The following CYP39A1 variants were observed in gnomAD, a reference collection of about 807,000 sequenced individuals.
CYP39A1 encodes the protein 24-hydroxycholesterol 7-alpha-hydroxylase.
Under a neutral mutation model 58.1 loss-of-function variants are expected in CYP39A1, and 49 were observed. The ratio of observed to expected loss-of-function variants is 0.84; its 90% CI spans 0.67 to 1.07. The LOEUF (loss-of-function observed/expected upper bound fraction) is 1.07. CYP39A1 is among the 50% of genes least tolerant of loss of function. CYP39A1 has a pLI of 0.00. For missense variants in CYP39A1, 531 were observed against 539.4 expected, an observed-to-expected ratio of 0.98 and a Z score of 0.16; for synonymous variants, 209 against 187.6, an observed-to-expected ratio of 1.11 and a Z score of -0.93.
intron 1 of CYP39A1, among the ~76,000 whole-genome samples, chr6:46,642,723 C>T (rs1776421112): frequency 6.6e-6 from 1 of 152,198 alleles, no homozygotes; most frequent in African/African-American, 2.4e-5. Flanking sequence ...GGTTATTCAA[C>T]AATGTCTTGC....
intron 4 of CYP39A1, among the ~76,000 whole-genome samples, chr6:46,637,527 C>A (rs1776064457): frequency 6.6e-6 from 1 of 152,340 alleles, no homozygotes; most frequent in Non-Finnish European, 1.5e-5. Flanking sequence ...TAGCAGGAAT[C>A]TTAACTGTAG....
chr6:46,623,387 T>A (rs888722408), intron 7 of CYP39A1, among the ~76,000 whole-genome samples: 1 of 152,174 alleles, frequency 6.6e-6, no homozygotes, highest in Non-Finnish European at 1.5e-5. Context: ...TAATTCTATA[T>A]GTTAACTTGA....
rs1772881535 is a variant in CYP39A1 at position 46,592,216 on chromosome 6, CT to C, written c.1065+3770del. ...AGAGGCAAAAGCAAACAAAGAGAGC[CT>C]GTTCGAACTACCTTAGGGAAGGGTG... On this transcript the variant is annotated intron_variant, in intron 8 of 11. Transcript: ENST00000275016. Among the ~76,000 whole-genome samples the C allele has an allele frequency of 2.0e-5, 3 of 152,062 alleles. No homozygotes were observed. The South Asian group carries it at 6.2e-4, about 32-fold the overall frequency.
At position 46,652,660 on chromosome 6, in the gene CYP39A1, G is replaced by A; in HGVS notation, c.-78C>T. On this transcript the variant is annotated 5_prime_UTR_variant, in exon 1 of 12. Coordinates refer to ENST00000275016, the MANE Select transcript of CYP39A1 (RefSeq NM_016593.5). ...CCCTTGCTTCTTTTCTGTGGGCTAC[G>A]GAACCTGTCGGGACTCCCAACCTTT... 1.4e-5 allele frequency: 19 copies of A among 1,374,004 alleles called. 1 individual carries two copies. In the South Asian group the frequency reaches 2.5e-4, roughly 18 times the overall value. 85.1% of individuals were successfully genotyped at this position (1,374,004 alleles called of 1,614,324 possible). A position where few individuals can be genotyped will look rare whatever the true frequency, so the allele number is the denominator to read the frequency against.
At chr6:46,577,554 CAA>C (rs894604329) in intron 10 of CYP39A1, among the ~76,000 whole-genome samples, 3 of 151,986 alleles carry the variant, frequency 2.0e-5, no homozygotes, top group Non-Finnish European at 4.4e-5. Context: ...CAATGACACC[CAA>C]AGACTCAAGG....
At chr6:46,637,321 T>C (rs543159556) in intron 4 of CYP39A1, among the ~76,000 whole-genome samples, 17 of 152,222 alleles carry the variant, frequency 1.1e-4, no homozygotes, top group Non-Finnish European at 2.5e-4. Context: ...GATACTTTGT[T>C]ATAGCAACCC....
chr6:46,616,957 C>A (rs1054226730), intron 7 of CYP39A1, among the ~76,000 whole-genome samples: 3 of 151,986 alleles, frequency 2.0e-5, no homozygotes, highest in African/African-American at 7.3e-5. Flanking sequence ...GATTGGCGAT[C>A]GATCAATGGA....
intron 8 of CYP39A1, among the ~76,000 whole-genome samples, chr6:46,590,848 T>C (rs1340055154): frequency 6.6e-6 from 1 of 152,222 alleles, no homozygotes; most frequent in East Asian, 1.9e-4. Context: ...CTTTTTATTG[T>C]ATATTCATGG....
chr6:46,588,036 G>A lies in CYP39A1; in HGVS notation c.1159C>T (p.Pro387Ser). The change falls in exon 9 of 12, where the codon CCT (proline) becomes TCT (serine). Residue 387 changes from proline to serine, a missense_variant and splice_region_variant. Transcript: ENST00000275016. ...ATATACTGAAAGAGATAACTTACAG[G>A]TTTGAACAATTCAGGCTCAGGAAAA... is the stretch of plus-strand genomic sequence containing the variant. ...KYFPEPELFKPERWKKANLEK... is the reference protein window; with the variant it reads ...KYFPEPELFKSERWKKANLEK... The A allele has an allele frequency of 6.4e-7, 1 of 1,551,488 alleles. No homozygotes were observed. Among genetic ancestry groups the A allele is most frequent in the Admixed American group, 1.8e-5 (1 of 55,468 alleles).
intron 10 of CYP39A1, among the ~76,000 whole-genome samples, chr6:46,563,250 GT>G (rs1399719025): frequency 6.6e-6 from 1 of 152,118 alleles, no homozygotes; most frequent in Non-Finnish European, 1.5e-5. Flanking sequence ...AACGGGCCTT[GT>G]AAATTCGTAT....
chr6:46,650,668 T>A (rs1013210466), intron 1 of CYP39A1, among the ~76,000 whole-genome samples: 1 of 119,530 alleles, frequency 8.4e-6, no homozygotes, highest in Middle Eastern at 4.0e-3. Flanking sequence ...TGGACCAGAT[T>A]AAATTTTTTA....
chr6:46,617,951 C>A (rs928405284), intron 7 of CYP39A1, among the ~76,000 whole-genome samples: 1 of 152,030 alleles, frequency 6.6e-6, no homozygotes, highest in African/African-American at 2.4e-5. Flanking sequence ...AAAGTACAGC[C>A]AATTCATATG....
chr6:46,576,030 G>A (rs1771827504), intron 10 of CYP39A1, among the ~76,000 whole-genome samples: 1 of 152,174 alleles, frequency 6.6e-6, no homozygotes, highest in Admixed American at 6.5e-5. Flanking sequence ...CTGATGGGGT[G>A]GATATGGCCG....
chr6:46,626,688 A>G (rs1775327439), intron 6 of CYP39A1, among the ~76,000 whole-genome samples: 3 of 152,210 alleles, frequency 2.0e-5, no homozygotes, highest in Non-Finnish European at 4.4e-5. Flanking sequence ...CCAGATTAAG[A>G]AAGATTTATC....
At chr6:46,611,207 A>G (rs1774194156) in intron 7 of CYP39A1, among the ~76,000 whole-genome samples, 1 of 152,238 alleles carries the variant, frequency 6.6e-6, no homozygotes, top group Non-Finnish European at 1.5e-5. Flanking sequence ...TTGGCATGTG[A>G]AGGATTTAGG....
rs73471151 is a variant in CYP39A1, at chr6:46,647,093, C to G, written c.178-4795G>C. On this transcript the variant is annotated intron_variant, in intron 1 of 11. Coordinates refer to ENST00000275016, the MANE Select transcript of CYP39A1 (RefSeq NM_016593.5). ...CTGCTTTATTTGGGCTTATTTTACTCTGTTTATAAAAGGAGATGATTCTTG... is the reference window on the plus strand; with the variant it reads ...CTGCTTTATTTGGGCTTATTTTACTGTGTTTATAAAAGGAGATGATTCTTG... Among the ~76,000 whole-genome samples the G allele has an allele frequency of 7.4e-3, 1,123 of 151,616 alleles. 18 individuals are homozygous for G. The highest frequency in any genetic ancestry group is 0.026 in the African/African-American group (1,065 of 41,362).
At chr6:46,620,111 AC>A (rs1314414628) in intron 7 of CYP39A1, among the ~76,000 whole-genome samples, 3 of 152,268 alleles carry the variant, frequency 2.0e-5, no homozygotes, top group East Asian at 1.9e-4. Flanking sequence ...CAAGAAAAAA[AC>A]AGTTGAATCT....
rs537576127 is a variant in CYP39A1, at chr6:46,604,829, T to C, written c.932-8709A>G. ...ATACCAGGAATGATATCCTTTGCAA[T>C]TACTTAAACATAAGATAGCAACTAT... On this transcript the variant is annotated intron_variant, in intron 7 of 11. Coordinates refer to ENST00000275016, the MANE Select transcript of CYP39A1 (RefSeq NM_016593.5). Among the ~76,000 whole-genome samples the C allele has an allele frequency of 3.9e-5, 6 of 152,228 alleles. No homozygotes were observed. The East Asian group carries it at 1.2e-3, about 29-fold the overall frequency.
intron 7 of CYP39A1, among the ~76,000 whole-genome samples, chr6:46,610,039 T>C (rs1003170857): frequency 6.6e-6 from 1 of 152,228 alleles, no homozygotes; most frequent in Non-Finnish European, 1.5e-5. Context: ...AAATTCTTTA[T>C]AGGTTCTCTC....
Sources: gnomAD v4.1 joint callset for allele counts (sites outside exome capture counted in the v4.1 genomes callset) on GRCh38, gnomAD v4.1.1 for gene constraint, MANE v1.5 for transcripts, NCBI Gene and HGNC (gene_info 2026-07-23, HGNC 2026-07-21) for gene names.